Variants in TG observed in about 807,000 individuals in gnomAD.
TG encodes thyroglobulin.
In TG, 270 loss-of-function variants were observed where a neutral mutation model predicts 324.7. That is an observed-to-expected ratio of 0.83 (90% CI 0.75 to 0.92). The LOEUF (loss-of-function observed/expected upper bound fraction) is 0.92, where lower values mean the gene tolerates loss of function less well. Among genes scored for constraint, TG ranks in the 40% least tolerant of loss-of-function variants. The probability of loss-of-function intolerance (pLI) is 0.00; values close to 1 mark genes in which losing one functional copy is unlikely to be tolerated. For synonymous variants in TG, 1,401 were observed against 1,327.0 expected, an observed-to-expected ratio of 1.06 and a Z score of -1.21; for missense variants, 3,591 against 3,456.4, an observed-to-expected ratio of 1.04 and a Z score of -0.98.
intron 45 of TG, among the ~76,000 whole-genome samples, chr8:133,117,604 A>G (rs1242521367): frequency 1.3e-5 from 2 of 152,238 alleles, no homozygotes; most frequent in African/African-American, 2.4e-5. Context: ...CTTTGGCAAG[A>G]CAATCTACTC....
Position 132,898,395 on chromosome 8 carries a change from A to T in TG, c.3217+149A>T, listed in dbSNP as rs533780061. On this transcript the variant is annotated intron_variant, in intron 13 of 47. Coordinates refer to ENST00000220616, the MANE Select transcript of TG (RefSeq NM_003235.5). Reference sequence around the variant, plus strand: ...AGCCAGACGCATTTCCCAAGTCCCCAGGCCTGCAAGCTTGCGCTGACCTTG... The same window carrying T: ...AGCCAGACGCATTTCCCAAGTCCCCTGGCCTGCAAGCTTGCGCTGACCTTG... 3.8e-6 allele frequency: 3 copies of T among 798,112 alleles called. No individual in the cohort carries two copies. In the East Asian group the frequency reaches 8.0e-5, roughly 21 times the overall value. The allele number at this position is 798,112 out of a possible 1,614,324, so 49.4% of individuals were successfully genotyped here. A position where few individuals can be genotyped will look rare whatever the true frequency, so the allele number is the denominator to read the frequency against.
intron 41 of TG, among the ~76,000 whole-genome samples, chr8:133,093,940 A>G (rs921548238): frequency 6.6e-5 from 10 of 152,166 alleles, no homozygotes; most frequent in African/African-American, 1.7e-4. Context: ...GGAGCCCTCA[A>G]TCCACAGTGG....
intron 41 of TG, among the ~76,000 whole-genome samples, chr8:133,089,184 C>G (rs1267761238): frequency 6.6e-6 from 1 of 152,184 alleles, no homozygotes; most frequent in African/African-American, 2.4e-5. Context: ...GCTCCCCACT[C>G]CAGTCCATCC....
intron 27 of TG, among the ~76,000 whole-genome samples, chr8:132,960,619 G>A (rs762430273): frequency 1.3e-5 from 2 of 152,144 alleles, no homozygotes; most frequent in African/African-American, 2.4e-5. Context: ...TCTCAAAATC[G>A]CTGTCCACAT....
At chr8:132,901,762 C>T (rs1411629229) in intron 16 of TG, among the ~76,000 whole-genome samples, 2 of 152,116 alleles carry the variant, frequency 1.3e-5, no homozygotes, top group African/African-American at 4.8e-5. Flanking sequence ...TCAGAAAGAG[C>T]CTGGGCAGGG....
intron 35 of TG, chr8:132,995,562 G>GT: frequency 1.0e-6 from 1 of 981,876 alleles, no homozygotes; most frequent in Non-Finnish European, 1.2e-6. Flanking sequence ...AATTTCTATC[G>GT]TTTTGCCCAC....
intron 35 of TG, among the ~76,000 whole-genome samples, chr8:132,998,485 A>G (rs1833102441): frequency 1.3e-5 from 2 of 152,242 alleles, no homozygotes; most frequent in African/African-American, 4.8e-5. Flanking sequence ...AGACTGAGAC[A>G]AGCTGCAGGG....
At position 132,888,061 on chromosome 8, in the gene TG, C is replaced by G; in HGVS notation, c.2254C>G (p.Leu752Val). The change falls in exon 10 of 48, where the codon CTA becomes GTA. Residue 752 changes from leucine to valine, a missense_variant. Leu to Val is a conservative substitution (Grantham distance 32). Transcript: ENST00000220616. ...GGCCCTGCTCTCTAACTCCAGCATG[C>G]TACCCACCCTTTCCGACACCTACAT... ...VQALLSNSSM[L>V]PTLSDTYIPQ... The G allele has an allele frequency of 6.2e-7, 1 of 1,614,156 alleles. No individual in the cohort carries two copies. The highest frequency in any genetic ancestry group is 8.5e-7 in the Non-Finnish European group (1 of 1,180,034).
At chr8:132,924,045 A>T (rs964569390) in intron 22 of TG, among the ~76,000 whole-genome samples, 1 of 152,120 alleles carries the variant, frequency 6.6e-6, no homozygotes, top group Admixed American at 6.6e-5. Context: ...GCATTGTAAT[A>T]TATAATGAAA....
chr8:133,124,207 A>T (rs1291795643), intron 45 of TG, among the ~76,000 whole-genome samples: 2 of 152,126 alleles, frequency 1.3e-5, no homozygotes, highest in African/African-American at 4.8e-5. Flanking sequence ...CATGAGACTG[A>T]GTGTGTGCTA....
intron 35 of TG, chr8:133,001,688 GC>G: frequency 1.1e-6 from 1 of 940,786 alleles, no homozygotes; most frequent in Non-Finnish European, 1.3e-6. Context: ...GGAGACGTGA[GC>G]TGGGCTCTTC....
rs750506717 is a variant in TG, at chr8:132,913,172, CA to C, written c.4286del (p.His1429ProfsTer20). 1.2e-6 allele frequency: 2 copies of C among 1,614,040 alleles called. No individual in the cohort carries two copies. On this transcript the variant is annotated frameshift_variant, in exon 20 of 48. Transcript: ENST00000220616. LOFTEE classifies it high-confidence loss of function. ...AETIRFLQGD[H>X]FGTSPRTWFG... Reference sequence around the variant, plus strand: ...AACCATCCGCTTCCTCCAAGGGGACCACTTTGGCACCTCTCCCAGGACATGG... The same window carrying C: ...AACCATCCGCTTCCTCCAAGGGGACCCTTTGGCACCTCTCCCAGGACATGG...
intron 35 of TG, among the ~76,000 whole-genome samples, chr8:132,999,807 C>T (rs1833275422): frequency 6.6e-6 from 1 of 152,200 alleles, no homozygotes. Context: ...TCTCAGTGAG[C>T]AGAAGGTCAC....
chr8:133,010,725 C>A (rs1201154596), intron 35 of TG, among the ~76,000 whole-genome samples: 1 of 152,216 alleles, frequency 6.6e-6, no homozygotes, highest in Non-Finnish European at 1.5e-5. Flanking sequence ...GGATCACCCT[C>A]ACTTCGTCTG....
At chr8:132,912,443 G>T (rs1819668381) in intron 19 of TG, among the ~76,000 whole-genome samples, 1 of 152,096 alleles carries the variant, frequency 6.6e-6, no homozygotes, top group Admixed American at 6.5e-5. Context: ...TGTTTGCTAT[G>T]TGCACGGATC....
Position 132,882,826 on chromosome 8 carries a change from G to A in TG, c.902G>A (p.Cys301Tyr), listed in dbSNP as rs1814844158. ...GGATTTCCTCTAGGCCCCACAAAAT[G>A]TGAAGTGGAGCGGTTTACAGCAACC... is the stretch of plus-strand genomic sequence containing the variant. ...ISGRFRCPTK[C>Y]EVERFTATSF... Residue 301 changes from cysteine to tyrosine, a missense_variant, in exon 8 of 48, where the codon TGT becomes TAT. Cys to Tyr is a radical substitution (Grantham distance 194). Coordinates refer to ENST00000220616, the MANE Select transcript of TG (RefSeq NM_003235.5). 1.2e-6 allele frequency: 2 copies of A among 1,614,082 alleles called. No individual in the cohort carries two copies. Among genetic ancestry groups the A allele is most frequent in the Admixed American group, 1.7e-5 (1 of 60,008 alleles).
In TG at chr8:132,968,003, T is replaced by C. The variant is rs79720855; in HGVS notation, c.5863+33T>C. The C allele has an allele frequency of 4.1e-3, 6,527 of 1,609,528 alleles. 11 individuals are homozygous for C. Among genetic ancestry groups the C allele is most frequent in the Non-Finnish European group, 4.7e-3 (5,494 of 1,178,438 alleles). The stretch of plus-strand genomic sequence containing the variant: ...CTTGGAGAGATCTGCATAAACTGTA[T>C]TTCCAATGTTCTGCTGGCTCTGTGG... On this transcript the variant is annotated intron_variant, in intron 31 of 47. Coordinates refer to ENST00000220616, the MANE Select transcript of TG (RefSeq NM_003235.5).
chr8:132,942,177 C>T lies in TG; in HGVS notation c.5233+635C>T, dbSNP rs186486107. On this transcript the variant is annotated intron_variant, in intron 26 of 47. Transcript: ENST00000220616. ...GTGTTATGGACCTGGGTTCTAGTCACTGCTGTCACTTTCTGGCTGTGCGAT... is the reference window on the plus strand; with the variant it reads ...GTGTTATGGACCTGGGTTCTAGTCATTGCTGTCACTTTCTGGCTGTGCGAT... Among the ~76,000 whole-genome samples, 34 of 152,366 alleles carry T rather than the reference C, an allele frequency of 2.2e-4. 1 individual carries two copies. In the East Asian group the frequency reaches 6.0e-3, roughly 27 times the overall value.
chr8:132,891,698 T>G (rs1816261450), intron 10 of TG, among the ~76,000 whole-genome samples: 1 of 152,180 alleles, frequency 6.6e-6, no homozygotes, highest in African/African-American at 2.4e-5. Flanking sequence ...CTGGAAGAAA[T>G]GTAGAGCAAG....
Sources: gnomAD v4.1 joint callset for allele counts (sites outside exome capture counted in the v4.1 genomes callset) on GRCh38, gnomAD v4.1.1 for gene constraint, MANE v1.5 for transcripts, NCBI Gene and HGNC (gene_info 2026-07-23, HGNC 2026-07-21) for gene names.